Variants in TSHZ2 observed in about 807,000 individuals in gnomAD.
The protein encoded by TSHZ2 is teashirt zinc finger homeobox 2.
In TSHZ2, 21 loss-of-function variants were observed where a neutral mutation model predicts 74.4. The observed-to-expected ratio is 0.28, with a 90% CI of 0.20 to 0.41. The LOEUF is 0.41. Ranked by LOEUF, TSHZ2 falls within the 10% of genes least tolerant of loss-of-function variation. The probability of loss-of-function intolerance (pLI) is 1.00; values close to 1 mark genes in which losing one functional copy is unlikely to be tolerated. For missense variants in TSHZ2, 1,244 were observed against 1,293.5 expected (o/e 0.96, Z 0.59); for synonymous variants, 540 against 515.3 (o/e 1.05, Z -0.65).
chr20:53,073,258 T>G (rs1307103002), intron 1 of TSHZ2, among the ~76,000 whole-genome samples: 1 of 122,840 alleles, frequency 8.1e-6, no homozygotes, highest in African/African-American at 3.1e-5. Context: ...TCATCTATCC[T>G]TCCATCCATC....
rs56672853 is a variant in TSHZ2, at chr20:53,323,410, G to GATGAATGAATGAATGAATGAATGA, written c.*8+66859_*8+66860insATGAATGAATGAATGAATGAATGA. Among the ~76,000 whole-genome samples, 839 of 150,758 alleles carry GATGAATGAATGAATGAATGAATGA rather than the reference G, an allele frequency of 5.6e-3. 2 individuals are homozygous for GATGAATGAATGAATGAATGAATGA. Among genetic ancestry groups the GATGAATGAATGAATGAATGAATGA allele is most frequent in the Middle Eastern group, 0.02 (6 of 294 alleles). On this transcript the variant is annotated intron_variant, in intron 2 of 2. Coordinates refer to ENST00000371497, the MANE Select transcript of TSHZ2 (RefSeq NM_173485.6). ...GAAAGTGCCCTGGAAATACTTGTTT[G>GATGAATGAATGAATGAATGAATGA]ATGAATGAATGAATGAATGATGTAG... is the stretch of plus-strand genomic sequence containing the variant.
In TSHZ2 at chr20:53,170,929, A is replaced by T. The variant is rs1325117941; in HGVS notation, c.41-82570A>T. ...CCTCTCAAAAGGAAGGAAAGACAAT[A>T]AAAAATGAAAAGAAAAAAAGTAATT... is the stretch of plus-strand genomic sequence containing the variant. On this transcript the variant is annotated intron_variant, in intron 1 of 2. Transcript: ENST00000371497. Among the ~76,000 whole-genome samples, 6 of 149,002 alleles carry T rather than the reference A, an allele frequency of 4.0e-5. No individual in the cohort carries two copies. In the East Asian group the frequency reaches 1.2e-3, roughly 30 times the overall value.
chr20:52,998,160 C>G (rs1982275349), intron 1 of TSHZ2, among the ~76,000 whole-genome samples: 1 of 152,096 alleles, frequency 6.6e-6, no homozygotes, highest in South Asian at 2.1e-4. Flanking sequence ...TATTCCATGC[C>G]CAGCTGTGCC....
intron 1 of TSHZ2, among the ~76,000 whole-genome samples, chr20:53,169,548 A>G (rs6097269): frequency 0.024 from 3,729 of 152,314 alleles, 149 homozygotes; most frequent in African/African-American, 0.084. Context: ...TTTTAACTAC[A>G]TCGCCAAGGC....
intron 1 of TSHZ2, among the ~76,000 whole-genome samples, chr20:52,989,942 A>AAT (rs1167356940): frequency 2.0e-5 from 3 of 151,672 alleles, no homozygotes; most frequent in African/African-American, 7.2e-5. Context: ...GATAGGTTTT[A>AAT]ATATATATAC....
chr20:53,219,889 CA>C (rs1475887866), intron 1 of TSHZ2, among the ~76,000 whole-genome samples: 1 of 152,130 alleles, frequency 6.6e-6, no homozygotes, highest in Non-Finnish European at 1.5e-5. Context: ...ACATTTGGTT[CA>C]AATTTACCAG....
At chr20:53,149,691 T>C (rs1240482991) in intron 1 of TSHZ2, among the ~76,000 whole-genome samples, 1 of 152,202 alleles carries the variant, frequency 6.6e-6, no homozygotes, top group East Asian at 1.9e-4. Flanking sequence ...CTTGGTACTA[T>C]ACAGGGCATG....
intron 1 of TSHZ2, among the ~76,000 whole-genome samples, chr20:53,104,702 G>A (rs368566617): frequency 1.3e-5 from 2 of 152,100 alleles, no homozygotes; most frequent in East Asian, 3.8e-4. Context: ...AACTTATTAC[G>A]GAGGCTAAGA....
chr20:52,994,382 A>G (rs1982097145), intron 1 of TSHZ2, among the ~76,000 whole-genome samples: 1 of 152,162 alleles, frequency 6.6e-6, no homozygotes, highest in South Asian at 2.1e-4. Flanking sequence ...GGATGAATGG[A>G]TGGATAAACG....
chr20:53,211,683 C>T (rs1335898890), intron 1 of TSHZ2, among the ~76,000 whole-genome samples: 1 of 152,080 alleles, frequency 6.6e-6, no homozygotes, highest in Non-Finnish European at 1.5e-5. Context: ...CGCTGCATTC[C>T]GGCCTGGGTG....
At chr20:53,209,381 G>C (rs905257695) in intron 1 of TSHZ2, among the ~76,000 whole-genome samples, 2 of 152,102 alleles carry the variant, frequency 1.3e-5, no homozygotes, top group Non-Finnish European at 2.9e-5. Flanking sequence ...GCCACTGTGC[G>C]CTGCCAAAAT....
At chr20:53,087,337 T>G (rs562396018) in intron 1 of TSHZ2, among the ~76,000 whole-genome samples, 5 of 152,320 alleles carry the variant, frequency 3.3e-5, no homozygotes, top group Admixed American at 2.0e-4. Flanking sequence ...ACACAGATAA[T>G]TGTTTGCACA....
chr20:53,192,563 A>G (rs1335079376), intron 1 of TSHZ2, among the ~76,000 whole-genome samples: 10 of 82,644 alleles, frequency 1.2e-4, no homozygotes, highest in African/African-American at 3.5e-4. Flanking sequence ...TAGTGTCTGG[A>G]AAAAAAAAAA....
At chr20:52,978,878 C>T (rs1981453190) in intron 1 of TSHZ2, among the ~76,000 whole-genome samples, 1 of 152,150 alleles carries the variant, frequency 6.6e-6, no homozygotes, top group Non-Finnish European at 1.5e-5. Flanking sequence ...GCTTATCCTT[C>T]TATCTTTATA....
chr20:53,231,104 G>A (rs894155814), intron 1 of TSHZ2, among the ~76,000 whole-genome samples: 1 of 152,198 alleles, frequency 6.6e-6, no homozygotes, highest in African/African-American at 2.4e-5. Flanking sequence ...TGTCTCCACT[G>A]TCAGTGTATC....
At chr20:53,338,083 T>G (rs73911299) in intron 2 of TSHZ2, among the ~76,000 whole-genome samples, 5,135 of 152,302 alleles carry the variant, frequency 0.034, 268 homozygotes, top group African/African-American at 0.12. Context: ...CCATAGTGTG[T>G]CCATGAAGTC....
intron 1 of TSHZ2, among the ~76,000 whole-genome samples, chr20:53,179,887 C>T (rs1168027440): frequency 1.3e-5 from 2 of 152,156 alleles, no homozygotes; most frequent in East Asian, 1.9e-4. Context: ...AGTCGATTTA[C>T]GTGCTTATTT....
rs374029519 is a variant in TSHZ2 at position 53,253,948 on chromosome 20, A to T, written c.490A>T (p.Ser164Cys). The T allele has an allele frequency of 1.2e-6, 2 of 1,614,048 alleles. No homozygotes were observed. The highest frequency in any genetic ancestry group is 1.7e-6 in the Non-Finnish European group (2 of 1,180,018). ...NCDTRNGSNK[S>C]DFDWHQDALS... Reference sequence around the variant, plus strand: ...TGACACCCGAAACGGCAGCAACAAGAGTGATTTTGATTGGCACCAAGACGC... The same window carrying T: ...TGACACCCGAAACGGCAGCAACAAGTGTGATTTTGATTGGCACCAAGACGC... The change falls in exon 2 of 3, where the codon AGT becomes TGT. Residue 164 changes from serine (S) to cysteine (C), a missense_variant. Transcript: ENST00000371497.
intron 1 of TSHZ2, among the ~76,000 whole-genome samples, chr20:53,003,255 GGTGTGTGTGTGTGTGT>G (rs11468763): frequency 1.3e-4 from 18 of 139,514 alleles, no homozygotes; most frequent in Admixed American, 7.9e-4. Flanking sequence ...CTCCAGGGAT[GGTGTGTGTGTGTGTGT>G]GTGTGTGTGT....
Sources: gnomAD v4.1 joint callset for allele counts (sites outside exome capture counted in the v4.1 genomes callset) on GRCh38, gnomAD v4.1.1 for gene constraint, MANE v1.5 for transcripts, NCBI Gene and HGNC (gene_info 2026-07-23, HGNC 2026-07-21) for gene names.